KLF12: variants seen among roughly 807,000 people sequenced by gnomAD.
KLF12 encodes the protein Krueppel-like factor 12.
Under a neutral mutation model 37.8 loss-of-function variants are expected in KLF12, and 9 were observed. The observed-to-expected ratio is 0.24, with a 90% CI of 0.14 to 0.42. KLF12 has a LOEUF of 0.42. KLF12 is among the 10% of genes least tolerant of loss of function. The pLI, the probability that KLF12 is intolerant of heterozygous loss-of-function variation, is 1.00. For missense variants in KLF12, 411 were observed against 516.0 expected (o/e 0.80, Z 1.97); for synonymous variants, 208 against 202.1 (o/e 1.03, Z -0.25).
At chr13:74,227,124 G>A in the KLF12 span, among the ~76,000 whole-genome samples, 22,930 of 152,118 alleles carry the variant, frequency 0.15, 2,414 homozygotes, top group African/African-American at 0.3. Context: ...CACCCTACAT[G>A]GGTAGCATCA....
At chr13:74,024,196 T>C (rs1228487160) in intron 1 of KLF12, among the ~76,000 whole-genome samples, 1 of 152,198 alleles carries the variant, frequency 6.6e-6, no homozygotes, top group Non-Finnish European at 1.5e-5. Context: ...GGGGATACTG[T>C]AGAAGAAATA....
At chr13:74,097,539 C>T (rs1314497126) in intron 1 of KLF12, among the ~76,000 whole-genome samples, 1 of 152,040 alleles carries the variant, frequency 6.6e-6, no homozygotes, top group Non-Finnish European at 1.5e-5. Flanking sequence ...GGGTATACAA[C>T]CCTGGCCCAA....
chr13:74,083,727 G>A (rs1875078673), intron 1 of KLF12, among the ~76,000 whole-genome samples: 1 of 152,104 alleles, frequency 6.6e-6, no homozygotes, highest in African/African-American at 2.4e-5. Flanking sequence ...AAACATAATT[G>A]AGTAATGGCA....
At chr13:73,818,747 C>T (rs552868318) in intron 4 of KLF12, among the ~76,000 whole-genome samples, 20 of 152,350 alleles carry the variant, frequency 1.3e-4, no homozygotes, top group Non-Finnish European at 2.2e-4. Flanking sequence ...CACCTCCACG[C>T]GCCAGGGCTG....
chr13:73,901,012 G>A (rs576080928), intron 3 of KLF12, among the ~76,000 whole-genome samples: 17 of 152,234 alleles, frequency 1.1e-4, no homozygotes, highest in African/African-American at 4.1e-4. Flanking sequence ...GATTTGATAG[G>A]AGTGTCTTTT....
chr13:74,275,367 A>C, the KLF12 span, among the ~76,000 whole-genome samples: 1 of 152,190 alleles, frequency 6.6e-6, no homozygotes, highest in Non-Finnish European at 1.5e-5. Flanking sequence ...ATGTGACCTG[A>C]CTTTCATCTT....
In KLF12 at chr13:73,863,220, T is replaced by TGAATA. The variant is rs575598074; in HGVS notation, c.124-16852_124-16848dup. 2.5e-4 allele frequency among the ~76,000 whole-genome samples: 38 copies of TGAATA among 152,296 alleles called. 1 individual carries two copies. In the South Asian group the frequency reaches 7.7e-3, roughly 31 times the overall value. On this transcript the variant is annotated intron_variant, in intron 3 of 7. Coordinates refer to ENST00000377669, the MANE Select transcript of KLF12 (RefSeq NM_007249.5). ...TGATTTGCTATTAGCAATTTTCCTG[T>TGAATA]GAATAACTGACAAGAAGTCATGGGG...
chr13:74,113,229 T>C (rs141001546), intron 1 of KLF12, among the ~76,000 whole-genome samples: 2 of 152,302 alleles, frequency 1.3e-5, no homozygotes, highest in Non-Finnish European at 1.5e-5. Context: ...CAACAAGTTA[T>C]CCGGAAGATC....
At chr13:73,780,516 G>C (rs1167203521) in intron 5 of KLF12, among the ~76,000 whole-genome samples, 2 of 147,124 alleles carry the variant, frequency 1.4e-5, no homozygotes, top group Admixed American at 1.4e-4. Flanking sequence ...TTTCGCTCTT[G>C]TTGCCCAGGC....
intron 3 of KLF12, among the ~76,000 whole-genome samples, chr13:73,883,996 C>T (rs895855012): frequency 2.6e-5 from 4 of 152,080 alleles, no homozygotes; most frequent in African/African-American, 4.8e-5. Context: ...GTACCTTCTC[C>T]GAATTTAACG....
intron 1 of KLF12, among the ~76,000 whole-genome samples, chr13:74,067,939 T>C (rs574331601): frequency 2.6e-5 from 4 of 152,318 alleles, no homozygotes; most frequent in East Asian, 3.9e-4. Context: ...CTGATAAATA[T>C]GGTAGAATCC....
the KLF12 span, among the ~76,000 whole-genome samples, chr13:74,167,122 C>T: frequency 3.3e-4 from 50 of 152,342 alleles, no homozygotes; most frequent in Admixed American, 5.9e-4. Context: ...TACATTCACA[C>T]ACTTTGACTC....
chr13:74,051,341 A>AACACAAACAC, intron 1 of KLF12, among the ~76,000 whole-genome samples: 1 of 143,776 alleles, frequency 7.0e-6, no homozygotes, highest in South Asian at 2.3e-4. Context: ...TACACACACA[A>AACACAAACAC]ACACACACAC....
chr13:73,953,209 T>G (rs1593776418), intron 2 of KLF12, among the ~76,000 whole-genome samples: 1 of 152,294 alleles, frequency 6.6e-6, no homozygotes, highest in East Asian at 1.9e-4. Flanking sequence ...ACCTAAAATC[T>G]GTTACACAGA....
the KLF12 span, among the ~76,000 whole-genome samples, chr13:74,229,329 G>T: frequency 6.6e-6 from 1 of 152,138 alleles, no homozygotes; most frequent in Non-Finnish European, 1.5e-5. Flanking sequence ...CATTCCTAAA[G>T]AGTTAAATCC....
chr13:74,111,616 C>A (rs542408232), intron 1 of KLF12, among the ~76,000 whole-genome samples: 1 of 152,096 alleles, frequency 6.6e-6, no homozygotes, highest in Admixed American at 6.5e-5. Context: ...ACAAGATAAT[C>A]TGAAAAGTCC....
intron 3 of KLF12, among the ~76,000 whole-genome samples, chr13:73,862,019 T>C (rs3764109): frequency 0.49 from 73,336 of 151,110 alleles, 18,431 homozygotes; most frequent in Middle Eastern, 0.61. Flanking sequence ...ATAGATTTGC[T>C]TAAGTGTACA....
intron 1 of KLF12, among the ~76,000 whole-genome samples, chr13:74,013,849 TTTTC>T (rs1358122023): frequency 1.3e-5 from 2 of 151,860 alleles, no homozygotes; most frequent in African/African-American, 2.4e-5. Flanking sequence ...TTTCTTCTTC[TTTTC>T]TTTTTTTTTT....
the KLF12 span, among the ~76,000 whole-genome samples, chr13:74,277,884 G>T: frequency 1.1e-3 from 171 of 152,310 alleles, 4 homozygotes; most frequent in South Asian, 0.026. Context: ...ATGGAGAGTA[G>T]TTGGCTTCTT....
Sources: gnomAD v4.1 joint callset for allele counts (sites outside exome capture counted in the v4.1 genomes callset) on GRCh38, gnomAD v4.1.1 for gene constraint, MANE v1.5 for transcripts, NCBI Gene and HGNC (gene_info 2026-07-23, HGNC 2026-07-21) for gene names.